GPM6B: variants seen among roughly 807,000 people sequenced by gnomAD.
The protein encoded by GPM6B is glycoprotein M6B.
In GPM6B, 4 loss-of-function variants were observed where a neutral mutation model predicts 27.2. That is an observed-to-expected ratio of 0.15 (90% CI 0.07 to 0.34). The LOEUF (loss-of-function observed/expected upper bound fraction) is 0.34, where lower values mean the gene tolerates loss of function less well. Among genes scored for constraint, GPM6B ranks in the 10% least tolerant of loss-of-function variants. GPM6B has a pLI of 1.00. For synonymous variants in GPM6B, 124 were observed against 103.1 expected (o/e 1.20, Z -1.23); for missense variants, 183 against 261.9 (o/e 0.70, Z 2.08).
intron 1 of GPM6B, among the ~76,000 whole-genome samples, chrX:13,848,705 TAA>T (rs1322726270): frequency 1.8e-5 from 2 of 111,984 alleles, no homozygotes; most frequent in Admixed American, 9.5e-5. Flanking sequence ...CTCAAAAAGT[TAA>T]AGAGTTATCA....
At chrX:13,850,089 T>G (rs1432446406) in intron 1 of GPM6B, among the ~76,000 whole-genome samples, 10 of 111,787 alleles carry the variant, frequency 8.9e-5, no homozygotes, top group Non-Finnish European at 1.9e-5. Flanking sequence ...AACACTACTA[T>G]AGTTTGGATG....
intron 1 of GPM6B, among the ~76,000 whole-genome samples, chrX:13,830,378 T>A (rs2049424213): frequency 8.9e-6 from 1 of 112,126 alleles, no homozygotes; most frequent in Non-Finnish European, 1.9e-5. Flanking sequence ...TCCTTACTCC[T>A]GTTACTTCCC....
At chrX:13,804,430 GGGC>G (rs201150534) in intron 2 of GPM6B, among the ~76,000 whole-genome samples, 2,157 of 50,528 alleles carry the variant, frequency 0.043, 98 homozygotes, top group East Asian at 0.28. Context: ...GGGGGGCGGG[GGGC>G]GGGGGTAGCC....
intron 1 of GPM6B, among the ~76,000 whole-genome samples, chrX:13,887,063 C>T (rs1422538109): frequency 8.9e-6 from 1 of 112,101 alleles, no homozygotes; most frequent in Non-Finnish European, 1.9e-5. Context: ...AAGTGATCTG[C>T]CCACCTCGGC....
chrX:13,921,413 G>C (rs891052175), intron 1 of GPM6B, among the ~76,000 whole-genome samples: 4 of 111,751 alleles, frequency 3.6e-5, no homozygotes, highest in Non-Finnish European at 7.5e-5. Flanking sequence ...AGGGGTTCTT[G>C]GCTTTGCCCA....
chrX:13,871,846 T>C (rs960866774), intron 1 of GPM6B, among the ~76,000 whole-genome samples: 19 of 112,026 alleles, frequency 1.7e-4, no homozygotes, highest in African/African-American at 6.2e-4. Flanking sequence ...TGGGAAGTGC[T>C]GGGCTAGAGA....
chrX:13,932,814 G>A (rs896602266), intron 1 of GPM6B, among the ~76,000 whole-genome samples: 2 of 111,458 alleles, frequency 1.8e-5, no homozygotes, highest in Non-Finnish European at 3.8e-5. Context: ...CTGATGAGAA[G>A]GAAGTACTTT....
intron 1 of GPM6B, among the ~76,000 whole-genome samples, chrX:13,830,394 T>C (rs1185051587): frequency 8.9e-6 from 1 of 112,141 alleles, no homozygotes; most frequent in East Asian, 2.8e-4. Context: ...TTCCCTGTAT[T>C]GGCCAAGCAC....
chrX:13,913,818 CA>C (rs1351752316), intron 1 of GPM6B, among the ~76,000 whole-genome samples: 1 of 111,708 alleles, frequency 9.0e-6, no homozygotes, highest in Non-Finnish European at 1.9e-5. Flanking sequence ...GTGGCATGAA[CA>C]CGGCTCTCCA....
chrX:13,878,619 G>A (rs967079622), intron 1 of GPM6B, among the ~76,000 whole-genome samples: 14 of 111,166 alleles, frequency 1.3e-4, no homozygotes, highest in African/African-American at 4.2e-4. Flanking sequence ...TGCTGTGGTA[G>A]GCAGCATCAT....
At chrX:13,870,984 T>C (rs774023590) in intron 1 of GPM6B, among the ~76,000 whole-genome samples, 3 of 110,573 alleles carry the variant, frequency 2.7e-5, no homozygotes, top group African/African-American at 6.6e-5. Flanking sequence ...AGTAGATCAC[T>C]TGGGCCCAGG....
chrX:13,911,034 C>T (rs746318195), intron 1 of GPM6B, among the ~76,000 whole-genome samples: 6 of 112,089 alleles, frequency 5.4e-5, no homozygotes, highest in African/African-American at 1.6e-4. Flanking sequence ...CTATTTAACA[C>T]TCAATCATGC....
At chrX:13,814,795 C>T (rs1183104868) in intron 1 of GPM6B, among the ~76,000 whole-genome samples, 1 of 111,755 alleles carries the variant, frequency 8.9e-6, no homozygotes, top group African/African-American at 3.3e-5. Context: ...ACACAACAAT[C>T]ACAACCCCTC....
intron 2 of GPM6B, among the ~76,000 whole-genome samples, chrX:13,806,811 TCTTA>T (rs1291039221): frequency 4.5e-5 from 5 of 112,065 alleles, no homozygotes; most frequent in South Asian, 3.7e-4. Context: ...ACTTTAAGCC[TCTTA>T]CTGTGTTTAT....
chrX:13,887,537 G>A (rs142824004), intron 1 of GPM6B, among the ~76,000 whole-genome samples: 1,364 of 111,427 alleles, frequency 0.012, 22 homozygotes, highest in African/African-American at 0.042. Context: ...AGTGGGCTGC[G>A]TTTTCCCACA....
intron 1 of GPM6B, among the ~76,000 whole-genome samples, chrX:13,870,940 G>A (rs1287117238): frequency 9.0e-6 from 1 of 110,526 alleles, no homozygotes. Context: ...GTGCAGTGGT[G>A]CACACCTGCA....
intron 1 of GPM6B, among the ~76,000 whole-genome samples, chrX:13,810,690 C>T (rs773368538): frequency 3.8e-5 from 4 of 104,683 alleles, no homozygotes; most frequent in South Asian, 4.3e-4. Flanking sequence ...TCAATGTTAA[C>T]GTGTTTTCTG....
rs752162419 is a variant in GPM6B, at chrX:13,812,044, C to CTTTTTTTTTTTTTTTT, written c.62-4276_62-4275insAAAAAAAAAAAAAAAA. Among the ~76,000 whole-genome samples the CTTTTTTTTTTTTTTTT allele has an allele frequency of 7.3e-5, 6 of 82,667 alleles. 2 individuals carry two copies. The highest frequency in any genetic ancestry group is 2.8e-4 in the African/African-American group (6 of 21,138). The allele number at this position is 82,667 out of a possible 115,157, so 71.8% of individuals were successfully genotyped here. Reference sequence around the variant, plus strand: ...TTTCAAAGGAGAACACTTTTCTTTTCTTTCTTTTTTTTTTTTTTTTTTTGA... The same window carrying CTTTTTTTTTTTTTTTT: ...TTTCAAAGGAGAACACTTTTCTTTTCTTTTTTTTTTTTTTTTTTTCTTTTTTTTTTTTTTTTTTTGA... On this transcript the variant is annotated intron_variant, in intron 1 of 7. Coordinates refer to ENST00000316715, the MANE Select transcript of GPM6B (RefSeq NM_001001995.3).
intron 1 of GPM6B, among the ~76,000 whole-genome samples, chrX:13,834,601 G>T (rs76617278): frequency 8.9e-6 from 1 of 112,075 alleles, no homozygotes; most frequent in East Asian, 2.8e-4. Flanking sequence ...GGCCAGAGTA[G>T]GGCTTAAAAA....
Sources: gnomAD v4.1 joint callset for allele counts (sites outside exome capture counted in the v4.1 genomes callset) on GRCh38, gnomAD v4.1.1 for gene constraint, MANE v1.5 for transcripts, NCBI Gene and HGNC (gene_info 2026-07-23, HGNC 2026-07-21) for gene names.